FAF1: variants seen among roughly 807,000 people sequenced by gnomAD.
FAF1 encodes FAS-associated factor 1.
Under a neutral mutation model 92.5 loss-of-function variants are expected in FAF1, and 25 were observed. That is an observed-to-expected ratio of 0.27 (90% CI 0.20 to 0.38). FAF1 has a LOEUF of 0.38. FAF1 is among the 10% of genes least tolerant of loss of function. FAF1 has a pLI of 1.00. For synonymous variants in FAF1, 234 were observed against 273.2 expected, an observed-to-expected ratio of 0.86 and a Z score of 1.42; for missense variants, 636 against 793.3, an observed-to-expected ratio of 0.80 and a Z score of 2.38.
At chr1:50,762,351 T>C (rs1660361744) in intron 4 of FAF1, among the ~76,000 whole-genome samples, 3 of 152,156 alleles carry the variant, frequency 2.0e-5, no homozygotes, top group African/African-American at 4.8e-5. Flanking sequence ...TTAAAGTTCA[T>C]ATGGAACCAA....
chr1:50,813,240 G>A (rs1643933728), intron 2 of FAF1, among the ~76,000 whole-genome samples: 1 of 151,542 alleles, frequency 6.6e-6, no homozygotes, highest in South Asian at 2.1e-4. Context: ...AAAAGCACAG[G>A]GGAAAAATTG....
chr1:50,439,623 G>C lies in FAF1; in HGVS notation c.*1817C>G, dbSNP rs1473891888. The C allele has an allele frequency of 1.3e-5, 2 of 152,122 alleles. No individual in the cohort carries two copies. The highest frequency in any genetic ancestry group is 2.9e-5 in the Non-Finnish European group (2 of 68,018). 9.4% of individuals were successfully genotyped at this position (152,122 alleles called of 1,614,324 possible). The stretch of plus-strand genomic sequence containing the variant: ...TCCCTCAAACCCCACCCACACCCCT[G>C]CTGCTGTTCCTGAGTATGACCTGAG... On this transcript the variant is annotated 3_prime_UTR_variant, in exon 19 of 19. Transcript: ENST00000396153.
At chr1:50,796,280 T>G (rs1052686324) in intron 3 of FAF1, among the ~76,000 whole-genome samples, 1 of 151,986 alleles carries the variant, frequency 6.6e-6, no homozygotes, top group African/African-American at 2.4e-5. Context: ...ACCCTAGCAG[T>G]GACATATCAC....
At chr1:50,694,030 T>TATGACATATAC (rs1553129199) in intron 7 of FAF1, among the ~76,000 whole-genome samples, 6 of 150,674 alleles carry the variant, frequency 4.0e-5, no homozygotes, top group African/African-American at 1.2e-4. Context: ...ATGACATATA[T>TATGACATATAC]ATGACATATA....
At chr1:50,955,433 G>A (rs573428471) in intron 1 of FAF1, among the ~76,000 whole-genome samples, 5 of 152,296 alleles carry the variant, frequency 3.3e-5, no homozygotes, top group East Asian at 3.9e-4. Context: ...TACTATGTAC[G>A]TGTAAAACTG....
intron 13 of FAF1, among the ~76,000 whole-genome samples, chr1:50,545,610 A>C (rs973471862): frequency 1.8e-4 from 27 of 152,064 alleles, no homozygotes; most frequent in Non-Finnish European, 3.8e-4. Flanking sequence ...GAAAAAAAAA[A>C]CATTTTTCAC....
chr1:50,567,622 A>G (rs1333903266), intron 12 of FAF1, among the ~76,000 whole-genome samples: 2 of 152,114 alleles, frequency 1.3e-5, no homozygotes, highest in Non-Finnish European at 2.9e-5. Context: ...GAGAAAAAAT[A>G]TTCTTTAAAA....
At chr1:50,709,158 T>A (rs913846892) in intron 6 of FAF1, among the ~76,000 whole-genome samples, 1 of 152,188 alleles carries the variant, frequency 6.6e-6, no homozygotes, top group African/African-American at 2.4e-5. Flanking sequence ...AAAAACAAGC[T>A]CACTACAATC....
intron 8 of FAF1, among the ~76,000 whole-genome samples, chr1:50,603,959 G>A (rs1449433644): frequency 6.6e-6 from 1 of 152,160 alleles, no homozygotes; most frequent in Non-Finnish European, 1.5e-5. Flanking sequence ...CTGCGTTATA[G>A]TCCTCAATTG....
intron 1 of FAF1, among the ~76,000 whole-genome samples, chr1:50,910,626 G>C (rs774620415): frequency 2.0e-5 from 3 of 151,854 alleles, no homozygotes; most frequent in Non-Finnish European, 2.9e-5. Flanking sequence ...CTTGCAGTTC[G>C]ATCTCAGACT....
intron 7 of FAF1, among the ~76,000 whole-genome samples, chr1:50,685,645 A>G (rs1045607235): frequency 6.6e-6 from 1 of 152,214 alleles, no homozygotes; most frequent in African/African-American, 2.4e-5. Flanking sequence ...CAGCCAGGAG[A>G]TGCCATTTTC....
chr1:50,827,602 G>A (rs889007199), intron 2 of FAF1, among the ~76,000 whole-genome samples: 5 of 151,400 alleles, frequency 3.3e-5, no homozygotes, highest in African/African-American at 9.7e-5. Context: ...CCCCCTCTCC[G>A]AGAAACACCC....
intron 2 of FAF1, among the ~76,000 whole-genome samples, chr1:50,828,336 T>C (rs1307564170): frequency 6.6e-6 from 1 of 151,872 alleles, no homozygotes; most frequent in Non-Finnish European, 1.5e-5. Context: ...TGGCACGATC[T>C]TGGCTCACTG....
chr1:50,485,689 A>C (rs1398406292), intron 17 of FAF1, among the ~76,000 whole-genome samples: 8 of 150,318 alleles, frequency 5.3e-5, no homozygotes, highest in Non-Finnish European at 1.0e-4. Context: ...AAAAAAAAAA[A>C]AAAAAAACCA....
At chr1:50,741,343 A>C (rs1167375620) in intron 5 of FAF1, among the ~76,000 whole-genome samples, 1 of 152,254 alleles carries the variant, frequency 6.6e-6, no homozygotes, top group Non-Finnish European at 1.5e-5. Context: ...TGTGGCTGGA[A>C]CATGGAAAGT....
chr1:50,843,154 C>T (rs1644269511), intron 2 of FAF1, among the ~76,000 whole-genome samples: 1 of 152,174 alleles, frequency 6.6e-6, no homozygotes, highest in Non-Finnish European at 1.5e-5. Flanking sequence ...GCTACTTCAA[C>T]ATTCTACTAG....
intron 8 of FAF1, among the ~76,000 whole-genome samples, chr1:50,639,284 T>C (rs1654208755): frequency 6.6e-6 from 1 of 152,344 alleles, no homozygotes; most frequent in South Asian, 2.1e-4. Flanking sequence ...TGTGAGAACA[T>C]GTTTTCATTC....
chr1:50,920,215 C>T (rs1557589498), intron 1 of FAF1, among the ~76,000 whole-genome samples: 1 of 151,570 alleles, frequency 6.6e-6, no homozygotes, highest in Non-Finnish European at 1.5e-5. Context: ...GCAGGAGAAT[C>T]GCTTGAGCCT....
chr1:50,658,665 C>T (rs1449990891), intron 7 of FAF1, among the ~76,000 whole-genome samples: 1 of 152,158 alleles, frequency 6.6e-6, no homozygotes, highest in Non-Finnish European at 1.5e-5. Flanking sequence ...TCATTGTTCT[C>T]CCCAGAATGA....
Sources: gnomAD v4.1 joint callset for allele counts (sites outside exome capture counted in the v4.1 genomes callset) on GRCh38, gnomAD v4.1.1 for gene constraint, MANE v1.5 for transcripts, NCBI Gene and HGNC (gene_info 2026-07-23, HGNC 2026-07-21) for gene names.